Variants in DOCK3 observed in about 807,000 individuals in gnomAD.
DOCK3 encodes the protein dedicator of cytokinesis 3, also known as dedicator of cytokinesis protein 3.
Under a neutral mutation model 265.6 loss-of-function variants are expected in DOCK3, and 60 were observed. The ratio of observed to expected loss-of-function variants is 0.23; its 90% confidence interval spans 0.18 to 0.28. The LOEUF is 0.28. DOCK3 is among the 10% of genes least tolerant of loss of function. The pLI, the probability that DOCK3 is intolerant of heterozygous loss-of-function variation, is 1.00. For synonymous variants in DOCK3, 881 were observed against 938.0 expected, an observed-to-expected ratio of 0.94 and a Z score of 1.11; for missense variants, 1,981 against 2,594.3, an observed-to-expected ratio of 0.76 and a Z score of 5.14.
rs185420016 is a variant in DOCK3 at position 51,269,962 on chromosome 3, G to T, written c.2356-853G>T. ...TGTGTCAGGTAAGCGGTAAAGCTTG[G>T]ATTTGAACTCGTGTCTAATTCCAAA... On this transcript the variant is annotated intron_variant, in intron 23 of 52. Transcript: ENST00000266037. Among the ~76,000 whole-genome samples, 55 of 152,264 alleles carry T rather than the reference G, an allele frequency of 3.6e-4. 1 individual carries two copies. In the East Asian group the frequency reaches 8.1e-3, roughly 22 times the overall value.
chr3:50,899,818 T>G (rs1337294510), intron 4 of DOCK3, among the ~76,000 whole-genome samples: 1 of 152,228 alleles, frequency 6.6e-6, no homozygotes, highest in African/African-American at 2.4e-5. Flanking sequence ...TACCCCCCAC[T>G]TTCTTCTGGC....
In DOCK3 at chr3:51,351,446, G is replaced by A. The variant is rs76438155; in HGVS notation, c.4107+1054G>A. Among the ~76,000 whole-genome samples, 212 of 152,256 alleles carry A rather than the reference G, an allele frequency of 1.4e-3. 1 individual carries two copies. Among genetic ancestry groups the A allele is most frequent in the South Asian group, 3.5e-3 (17 of 4,826 alleles). On this transcript the variant is annotated intron_variant, in intron 40 of 52. Transcript: ENST00000266037. Reference sequence around the variant, plus strand: ...CTAGTCTGCTAGCGGCAGAGTCCAGGCTAACCACATTGCAGAAGTAAGGCA... The same window carrying A: ...CTAGTCTGCTAGCGGCAGAGTCCAGACTAACCACATTGCAGAAGTAAGGCA...
intron 22 of DOCK3, among the ~76,000 whole-genome samples, chr3:51,248,656 C>G (rs1450199526): frequency 6.6e-6 from 1 of 151,796 alleles, no homozygotes; most frequent in Non-Finnish European, 1.5e-5. Flanking sequence ...GGCCGCCCAT[C>G]GTCTGGGATG....
intron 6 of DOCK3, 79 bp from the exon 7 acceptor site, chr3:51,075,277 G>A (rs2082019043): frequency 2.5e-6 from 3 of 1,208,838 alleles, no homozygotes; most frequent in Non-Finnish European, 3.5e-6. Flanking sequence ...GATGTGGCAG[G>A]TATGGGTTCC....
intron 1 of DOCK3, among the ~76,000 whole-genome samples, chr3:50,722,926 C>G (rs1436582237): frequency 2.0e-5 from 3 of 152,072 alleles, no homozygotes; most frequent in African/African-American, 7.2e-5. Flanking sequence ...CACATGCCAC[C>G]ACACCCAGCT....
chr3:50,801,297 T>C (rs1211233804), intron 2 of DOCK3, among the ~76,000 whole-genome samples: 3 of 152,034 alleles, frequency 2.0e-5, no homozygotes, highest in Non-Finnish European at 4.4e-5. Flanking sequence ...GATTGGCTAA[T>C]TTAAAGAGAG....
intron 12 of DOCK3, among the ~76,000 whole-genome samples, chr3:51,194,489 C>T (rs1407295370): frequency 1.3e-5 from 2 of 152,164 alleles, no homozygotes; most frequent in Non-Finnish European, 2.9e-5. Context: ...CTGTGTAATG[C>T]TGAGAGTGGA....
At chr3:50,729,379 T>TA (rs71084107) in intron 1 of DOCK3, among the ~76,000 whole-genome samples, 2 of 147,272 alleles carry the variant, frequency 1.4e-5, no homozygotes, top group East Asian at 2.0e-4. Flanking sequence ...TTTATTTATT[T>TA]TTATTTATTT....
chr3:51,034,550 C>T (rs1009479823), intron 5 of DOCK3, among the ~76,000 whole-genome samples: 2 of 152,010 alleles, frequency 1.3e-5, no homozygotes, highest in African/African-American at 4.8e-5. Flanking sequence ...TTCTTTGTTA[C>T]ATTCATCATC....
At chr3:50,719,311 A>G (rs1219414926) in intron 1 of DOCK3, among the ~76,000 whole-genome samples, 3 of 150,480 alleles carry the variant, frequency 2.0e-5, no homozygotes, top group African/African-American at 7.4e-5. Context: ...CATAAACTTA[A>G]CTCTGCAATC....
At chr3:50,746,984 G>A (rs972850502) in intron 1 of DOCK3, among the ~76,000 whole-genome samples, 1 of 140,524 alleles carries the variant, frequency 7.1e-6, no homozygotes, top group Non-Finnish European at 1.5e-5. Flanking sequence ...TTTTTAATAC[G>A]GTACAAGGTA....
At chr3:50,694,217 C>T (rs913678185) in intron 1 of DOCK3, among the ~76,000 whole-genome samples, 1 of 151,632 alleles carries the variant, frequency 6.6e-6, no homozygotes, top group Non-Finnish European at 1.5e-5. Context: ...TTGCAGTGAG[C>T]TGAGATTGCG....
Position 50,785,951 on chromosome 3 carries a change from G to T in DOCK3, c.121+7193G>T, listed in dbSNP as rs371949111. Among the ~76,000 whole-genome samples the T allele has an allele frequency of 7.6e-4, 115 of 151,102 alleles. 4 individuals are homozygous for T. The South Asian group carries it at 0.022, about 29-fold the overall frequency. On this transcript the variant is annotated intron_variant, in intron 2 of 52. Transcript: ENST00000266037. ...TTCTGGTCCTGGACTTTTTTTGTTG[G>T]CATTTTTTTTTTTTAATTACCATTT...
intron 5 of DOCK3, among the ~76,000 whole-genome samples, chr3:51,061,118 T>C (rs926139641): frequency 6.6e-6 from 1 of 152,248 alleles, no homozygotes; most frequent in Admixed American, 6.5e-5. Context: ...TTGGTGGCAC[T>C]GTAAACTAGT....
intron 4 of DOCK3, among the ~76,000 whole-genome samples, chr3:50,913,479 G>T (rs568987316): frequency 6.6e-6 from 1 of 151,952 alleles, no homozygotes; most frequent in Non-Finnish European, 1.5e-5. Context: ...TAGGTGTCAC[G>T]CACCTCTCCA....
intron 2 of DOCK3, chr3:50,787,459 C>T (rs1160712041): frequency 6.9e-5 from 30 of 431,854 alleles, no homozygotes; most frequent in Admixed American, 2.5e-4. Flanking sequence ...CGCTTGAACC[C>T]GGGAGATGGA....
chr3:50,970,739 T>G, intron 5 of DOCK3, among the ~76,000 whole-genome samples: 1 of 147,804 alleles, frequency 6.8e-6, no homozygotes, highest in Non-Finnish European at 1.5e-5. Context: ...TTTTTTTTTT[T>G]AATTTAAAAC....
intron 21 of DOCK3, among the ~76,000 whole-genome samples, chr3:51,245,606 T>C (rs2078802361): frequency 6.6e-6 from 1 of 152,012 alleles, no homozygotes. Flanking sequence ...TTGGCCAGAC[T>C]GGTCTCAAAC....
chr3:51,368,198 G>T (rs2087388897), intron 49 of DOCK3, among the ~76,000 whole-genome samples: 1 of 152,196 alleles, frequency 6.6e-6, no homozygotes, highest in Non-Finnish European at 1.5e-5. Flanking sequence ...CTGAGGTACT[G>T]GGTTCATTTC....
Sources: allele counts gnomAD v4.1 joint callset (sites outside exome capture counted in the v4.1 genomes callset), GRCh38; gene constraint gnomAD v4.1.1; transcripts MANE v1.5; gene names NCBI Gene and HGNC (gene_info 2026-07-23, HGNC 2026-07-21).